The following SERPINB9 variants were observed in gnomAD, a reference collection of about 807,000 sequenced individuals.
The protein encoded by SERPINB9 is serpin family B member 9, also known as serpin B9.
A neutral mutation model predicts 27.2 loss-of-function variants in SERPINB9; 20 were observed. That is an observed-to-expected ratio of 0.74 (90% CI 0.52 to 1.07). SERPINB9 has a LOEUF of 1.07. SERPINB9 is among the 50% of genes least tolerant of loss of function. The pLI is 0.00. For missense variants in SERPINB9, 476 were observed against 460.1 expected, an observed-to-expected ratio of 1.03 and a Z score of -0.32; for synonymous variants, 189 against 180.0, an observed-to-expected ratio of 1.05 and a Z score of -0.40.
intron 3 of SERPINB9, among the ~76,000 whole-genome samples, 197 bp downstream of exon 3, chr6:2,895,856 G>A (rs915859828): frequency 2.6e-5 from 4 of 151,878 alleles, no homozygotes; most frequent in Non-Finnish European, 4.4e-5. Context: ...ATCCCAACAG[G>A]CAGGAGGATC....
intron 2 of SERPINB9, chr6:2,899,984 G>A: frequency 2.2e-6 from 1 of 450,850 alleles, no homozygotes. Context: ...TGAAGCACTT[G>A]CCCTGGAATC....
At position 2,889,476 on chromosome 6, in the gene SERPINB9, A is replaced by T. The variant is rs1767702788; in HGVS notation, c.*687T>A. 1 of 152,052 alleles carries T rather than the reference A, an allele frequency of 6.6e-6. No homozygotes were observed. The highest frequency in any genetic ancestry group is 2.1e-4 in the South Asian group (1 of 4,818). The allele number at this position is 152,052 out of a possible 1,614,324, so 9.4% of individuals were successfully genotyped here. A position where few individuals can be genotyped will look rare whatever the true frequency, so the allele number is the denominator to read the frequency against. ...TTTGGGAGGCCGAGGCGGGTGGATC[A>T]CGAGGTCAGGAGATCGACACCATCC... On this transcript the variant is annotated 3_prime_UTR_variant, in exon 7 of 7. Coordinates refer to ENST00000380698, the MANE Select transcript of SERPINB9 (RefSeq NM_004155.6).
chr6:2,900,352 C>T (rs1768154700), intron 2 of SERPINB9, 92 bp downstream of exon 2: 1 of 1,494,512 alleles, frequency 6.7e-7, no homozygotes, highest in African/African-American at 1.4e-5. Context: ...TCCTGCCCTC[C>T]TTTCTCAGTG....
At chr6:2,896,317 T>G in intron 2 of SERPINB9, 127 bp from the exon 3 acceptor site, 1 of 739,942 alleles carries the variant, frequency 1.4e-6, no homozygotes, top group Non-Finnish European at 2.2e-6. Flanking sequence ...TCTCGCTTGT[T>G]TAAAGATCAG....
chr6:2,890,152 A>G lies in SERPINB9; in HGVS notation c.*11T>C. ...AGAGGGAAATGGCCGAGTGCACGGT[A>G]AGTGCACCCTTTATGGCGATGAGAA... is the stretch of plus-strand genomic sequence containing the variant. On this transcript the variant is annotated 3_prime_UTR_variant, in exon 7 of 7. Transcript: ENST00000380698. The surrounding 1 kb of genome is among the most constrained non-coding windows in gnomAD (Gnocchi z 6.2). The G allele has an allele frequency of 1.2e-6, 2 of 1,604,696 alleles. No individual in the cohort carries two copies. Among genetic ancestry groups the G allele is most frequent in the South Asian group, 1.1e-5 (1 of 90,778 alleles).
chr6:2,900,262 TC>T (rs1437252691), intron 2 of SERPINB9, among the ~76,000 whole-genome samples, 181 bp downstream of exon 2: 3 of 150,244 alleles, frequency 2.0e-5, no homozygotes, highest in African/African-American at 7.4e-5. Flanking sequence ...GGAGCAGAGT[TC>T]CTGCCTCCCT....
At chr6:2,900,358 C>T in intron 2 of SERPINB9, 86 bp downstream of exon 2, 3 of 1,508,170 alleles carry the variant, frequency 2.0e-6, no homozygotes. Flanking sequence ...CCTCCTTTCT[C>T]AGTGGCTCTG....
chr6:2,890,215 CTGA>C lies in SERPINB9; in HGVS notation c.1076_1078del (p.Ile359del). Reference sequence around the variant, plus strand: ...CAGAATGCTGTTGGCTCTGTTGTGCCTGATGAAGAAAAGGAAAGGGTGGTCAGC... The same window carrying C: ...CAGAATGCTGTTGGCTCTGTTGTGCCTGAAGAAAAGGAAAGGGTGGTCAGC... On this transcript the variant is annotated inframe_deletion, in exon 7 of 7. Coordinates refer to ENST00000380698, the MANE Select transcript of SERPINB9 (RefSeq NM_004155.6). This position sits in a 1 kb window ranked among gnomAD's most constrained non-coding sequence, Gnocchi z 6.2. 1 of 1,614,204 alleles carries C rather than the reference CTGA, an allele frequency of 6.2e-7. No individual in the cohort carries two copies. Among genetic ancestry groups the C allele is most frequent in the Non-Finnish European group, 8.5e-7 (1 of 1,180,046 alleles).
intron 2 of SERPINB9, among the ~76,000 whole-genome samples, chr6:2,897,236 C>T (rs935751931): frequency 4.6e-5 from 7 of 152,042 alleles, no homozygotes; most frequent in African/African-American, 9.7e-5. Context: ...GGGGCCGAGG[C>T]GGGCAGATCA....
intron 2 of SERPINB9, among the ~76,000 whole-genome samples, chr6:2,898,967 G>T (rs1366080577): frequency 6.6e-6 from 1 of 151,960 alleles, no homozygotes. Flanking sequence ...ATATAATGAA[G>T]GAAAAATAAA....
At chr6:2,901,194 G>C (rs1768189625) in intron 1 of SERPINB9, among the ~76,000 whole-genome samples, 1 of 152,148 alleles carries the variant, frequency 6.6e-6, no homozygotes, top group Non-Finnish European at 1.5e-5. Flanking sequence ...GGACAGCCGG[G>C]GTGGAGCCAG....
chr6:2,902,690 GTA>G (rs1005815913), intron 1 of SERPINB9, among the ~76,000 whole-genome samples: 42 of 152,094 alleles, frequency 2.8e-4, no homozygotes, highest in African/African-American at 9.2e-4. Flanking sequence ...GCTAATTTCT[GTA>G]TTTTTAGTAG....
chr6:2,891,778 CTCGAGTTCTGCCCGCAAAGGTG>C lies in SERPINB9; in HGVS notation c.723+33_723+54del. 6.5e-7 allele frequency: 1 copy of C among 1,533,320 alleles called. No individual in the cohort carries two copies. The highest frequency in any genetic ancestry group is 8.7e-7 in the Non-Finnish European group (1 of 1,148,252). 95.0% of individuals were successfully genotyped at this position (1,533,320 alleles called of 1,614,324 possible). A position where few individuals can be genotyped will look rare whatever the true frequency, so the allele number is the denominator to read the frequency against. ...GTGAATATGAGAGGTGGAAGTGGCACTCGAGTTCTGCCCGCAAAGGTGTCCCTGGGTTCTTCCCGCAGCCCGG... is the reference window on the plus strand; with the variant it reads ...GTGAATATGAGAGGTGGAAGTGGCACTCCCTGGGTTCTTCCCGCAGCCCGG... On this transcript the variant is annotated intron_variant, in intron 6 of 6. Transcript: ENST00000380698. This position sits in a 1 kb window ranked among gnomAD's most constrained non-coding sequence, Gnocchi z 4.0.
In SERPINB9 at chr6:2,890,593, T is replaced by C. The variant is rs1311546716; in HGVS notation, c.724-23A>G. 7 of 1,590,840 alleles carry C rather than the reference T, an allele frequency of 4.4e-6. No homozygotes were observed. Among genetic ancestry groups the C allele is most frequent in the East Asian group, 2.2e-5 (1 of 44,528 alleles). On this transcript the variant is annotated intron_variant, in intron 6 of 6. Coordinates refer to ENST00000380698, the MANE Select transcript of SERPINB9 (RefSeq NM_004155.6). This position sits in a 1 kb window ranked among gnomAD's most constrained non-coding sequence, Gnocchi z 6.2. Reference sequence around the variant, plus strand: ...CACCTGAAAGACCAGAATTAGACTTTAAGATTCCGACTTCAGTGCACATGT... The same window carrying C: ...CACCTGAAAGACCAGAATTAGACTTCAAGATTCCGACTTCAGTGCACATGT...
At chr6:2,893,760 A>G (rs1490348494) in intron 4 of SERPINB9, among the ~76,000 whole-genome samples, 1 of 152,178 alleles carries the variant, frequency 6.6e-6, no homozygotes, top group Non-Finnish European at 1.5e-5. Context: ...AGGATGGTGA[A>G]AGATACCTAA....
At chr6:2,899,070 C>G (rs573385152) in intron 2 of SERPINB9, among the ~76,000 whole-genome samples, 1 of 152,246 alleles carries the variant, frequency 6.6e-6, no homozygotes, top group South Asian at 2.1e-4. Flanking sequence ...TCACAAGCAT[C>G]CAGTTGAACA....
chr6:2,894,977 G>A lies in SERPINB9; in HGVS notation c.424+414C>T, dbSNP rs928890190. On this transcript the variant is annotated intron_variant, in intron 4 of 6. Transcript: ENST00000380698. This position sits in a 1 kb window ranked among gnomAD's most constrained non-coding sequence, Gnocchi z 4.7. ...CCACCATGTTGGTCAGGCTGGTCTC[G>A]AACTCCTGACCTCAAGTGATATGTC... 2.0e-5 allele frequency among the ~76,000 whole-genome samples: 3 copies of A among 151,464 alleles called. No homozygotes were observed. Among genetic ancestry groups the A allele is most frequent in the Non-Finnish European group, 2.9e-5 (2 of 67,930 alleles).
chr6:2,897,816 T>A (rs183503775), intron 2 of SERPINB9, among the ~76,000 whole-genome samples: 54 of 151,736 alleles, frequency 3.6e-4, no homozygotes, highest in Non-Finnish European at 6.2e-4. Flanking sequence ...GAAAAAGAGG[T>A]TACAGCAATA....
intron 2 of SERPINB9, among the ~76,000 whole-genome samples, chr6:2,898,157 GGAGA>G (rs1174654919): frequency 1.3e-5 from 2 of 151,400 alleles, no homozygotes; most frequent in Non-Finnish European, 2.9e-5. Flanking sequence ...AAAATAAGAG[GGAGA>G]GAGAGAATTA....
Sources: gnomAD v4.1 joint callset for allele counts (sites outside exome capture counted in the v4.1 genomes callset) on GRCh38, gnomAD v4.1.1 for gene constraint, Gnocchi (gnomAD v3.1) non-coding constraint, MANE v1.5 for transcripts, NCBI Gene and HGNC (gene_info 2026-07-23, HGNC 2026-07-21) for gene names.